POU3F3: variants seen among roughly 807,000 people sequenced by gnomAD.
POU3F3 encodes POU class 3 homeobox 3.
Under a neutral mutation model 8.6 loss-of-function variants are expected in POU3F3, and 1 was observed. The observed-to-expected ratio is 0.12, with a 90% CI of 0.04 to 0.55. The LOEUF is 0.55. POU3F3 is among the 20% of genes least tolerant of loss of function. POU3F3 has a pLI of 0.91. For synonymous variants in POU3F3, 418 were observed against 327.4 expected (o/e 1.28, Z -2.99); for missense variants, 577 against 690.7 (o/e 0.84, Z 1.84).
At chr2:104,893,685 C>A in the POU3F3 span, among the ~76,000 whole-genome samples, 1 of 152,030 alleles carries the variant, frequency 6.6e-6, no homozygotes, top group Non-Finnish European at 1.5e-5. Context: ...AGTTTGAGAC[C>A]AGCCTGCCCA....
chr2:104,884,237 G>A, the POU3F3 span, among the ~76,000 whole-genome samples: 1 of 152,162 alleles, frequency 6.6e-6, no homozygotes, highest in East Asian at 1.9e-4. Context: ...TCTGGGGGTG[G>A]TATCAAAAGA....
At chr2:104,916,280 C>T in the POU3F3 span, among the ~76,000 whole-genome samples, 1 of 152,202 alleles carries the variant, frequency 6.6e-6, no homozygotes, top group Non-Finnish European at 1.5e-5. Flanking sequence ...TGACAGCCTA[C>T]TCTGTGCCAA....
the POU3F3 span, among the ~76,000 whole-genome samples, chr2:104,918,147 C>G: frequency 1.3e-5 from 2 of 152,198 alleles, no homozygotes; most frequent in Admixed American, 1.3e-4. Flanking sequence ...CACTGACTTC[C>G]CAAGTCGTAA....
chr2:104,867,757 C>G, the POU3F3 span: 1 of 163,552 alleles, frequency 6.1e-6, no homozygotes, highest in Non-Finnish European at 1.3e-5. This position sits in a 1 kb window ranked among gnomAD's most constrained non-coding sequence, Gnocchi z 5.0. Flanking sequence ...CCCCGCTGGG[C>G]GATCAGAAGA....
the POU3F3 span, among the ~76,000 whole-genome samples, chr2:104,878,648 C>A: frequency 6.6e-6 from 1 of 152,204 alleles, no homozygotes. Context: ...ATCCTGCATA[C>A]AGAAGTTGGC....
chr2:104,916,552 C>A, the POU3F3 span, among the ~76,000 whole-genome samples: 11 of 152,300 alleles, frequency 7.2e-5, no homozygotes, highest in South Asian at 1.9e-3. Context: ...GGCCTCTTTC[C>A]ACAGGGCCGC....
At chr2:104,879,349 TA>T in the POU3F3 span, among the ~76,000 whole-genome samples, 1 of 151,992 alleles carries the variant, frequency 6.6e-6, no homozygotes, top group African/African-American at 2.4e-5. Context: ...TGGTGCTGGG[TA>T]AAACAGCTGC....
chr2:104,868,474 C>A, the POU3F3 span: 1 of 407,636 alleles, frequency 2.5e-6, no homozygotes, highest in Admixed American at 2.6e-5. Flanking sequence ...TTGAACTCAA[C>A]TCAGGAGAAG....
At chr2:104,886,812 G>A in the POU3F3 span, among the ~76,000 whole-genome samples, 1 of 152,206 alleles carries the variant, frequency 6.6e-6, no homozygotes, top group East Asian at 1.9e-4. Context: ...GGAGGCTGAG[G>A]CAGGAGAATC....
At chr2:104,915,339 T>C in the POU3F3 span, among the ~76,000 whole-genome samples, 2 of 152,154 alleles carry the variant, frequency 1.3e-5, no homozygotes, top group East Asian at 3.9e-4. Flanking sequence ...AGTTCAACCA[T>C]GTCAGGTTGT....
the POU3F3 span, among the ~76,000 whole-genome samples, chr2:104,869,505 G>A: frequency 6.6e-6 from 1 of 152,168 alleles, no homozygotes; most frequent in African/African-American, 2.4e-5. Context: ...AAGTGGAGGG[G>A]GTGCCAGGTT....
chr2:104,911,036 A>T, the POU3F3 span, among the ~76,000 whole-genome samples: 1 of 152,094 alleles, frequency 6.6e-6, no homozygotes, highest in African/African-American at 2.4e-5. Context: ...TATATCAGGG[A>T]CTTGAGTATT....
At chr2:104,881,547 C>G in the POU3F3 span, among the ~76,000 whole-genome samples, 1 of 152,160 alleles carries the variant, frequency 6.6e-6, no homozygotes, top group Non-Finnish European at 1.5e-5. Context: ...CTTGCTGTCT[C>G]TCTGTCTCCG....
rs1342846195 is a variant in POU3F3 at position 104,855,284 on chromosome 2, G to A, written c.-227G>A. ...CCTGCCGAGCGGCCTTGCAGCTGCA[G>A]CCGGGGGCCGCGGCGGCGGCGGCGG... On this transcript the variant is annotated 5_prime_UTR_variant, in exon 1 of 1. Transcript: ENST00000361360. Among the ~76,000 whole-genome samples the A allele has an allele frequency of 3.4e-5, 5 of 148,482 alleles. No individual in the cohort carries two copies.
At chr2:104,920,410 C>T in the POU3F3 span, among the ~76,000 whole-genome samples, 5 of 152,124 alleles carry the variant, frequency 3.3e-5, no homozygotes, top group Non-Finnish European at 5.9e-5. Flanking sequence ...CCTTCCATCC[C>T]TGCTTGCCAA....
At chr2:104,860,126 A>G (rs1676637324), downstream of POU3F3, among the ~76,000 whole-genome samples, 2 of 152,284 alleles carry the variant, frequency 1.3e-5, no homozygotes, top group Non-Finnish European at 2.9e-5. Flanking sequence ...CAAAAGAGCT[A>G]ACATTAGATT....
the POU3F3 span, among the ~76,000 whole-genome samples, chr2:104,908,262 A>G: frequency 6.6e-6 from 1 of 152,160 alleles, no homozygotes; most frequent in East Asian, 1.9e-4. Flanking sequence ...TTCACTTTCC[A>G]GGGCTGTCAT....
chr2:104,881,117 TCTTA>T, the POU3F3 span, among the ~76,000 whole-genome samples: 9 of 136,094 alleles, frequency 6.6e-5, no homozygotes, highest in East Asian at 2.5e-4. Flanking sequence ...TTTCTTTATT[TCTTA>T]CTTTCTTTCT....
At chr2:104,887,475 T>C in the POU3F3 span, among the ~76,000 whole-genome samples, 3 of 152,168 alleles carry the variant, frequency 2.0e-5, no homozygotes, top group East Asian at 1.9e-4. Context: ...GGAAGAACCA[T>C]GGAATAGTGC....
Sources: gnomAD v4.1 joint callset for allele counts (sites outside exome capture counted in the v4.1 genomes callset) on GRCh38, gnomAD v4.1.1 for gene constraint, Gnocchi (gnomAD v3.1) non-coding constraint, MANE v1.5 for transcripts, NCBI Gene and HGNC (gene_info 2026-07-23, HGNC 2026-07-21) for gene names.